The following OR1J2 variants were observed in gnomAD, a reference collection of about 807,000 sequenced individuals.
OR1J2 encodes the protein olfactory receptor 1J2.
For synonymous variants in OR1J2, 142 were observed against 99.7 expected (o/e 1.42, Z -2.52); for missense variants, 304 against 246.1 (o/e 1.24, Z -1.57).
At chr9:122,544,763 C>T in the OR1J2 span, among the ~76,000 whole-genome samples, 1 of 152,128 alleles carries the variant, frequency 6.6e-6, no homozygotes, top group South Asian at 2.1e-4. Context: ...TCTCTTGATC[C>T]ATCTGGCTAG....
chr9:122,468,535 T>G, the OR1J2 span, among the ~76,000 whole-genome samples: 1 of 152,194 alleles, frequency 6.6e-6, no homozygotes, highest in African/African-American at 2.4e-5. Flanking sequence ...ATAAACTCTT[T>G]TTTTTTTCTC....
At chr9:122,450,667 A>G in the OR1J2 span, among the ~76,000 whole-genome samples, 2 of 152,182 alleles carry the variant, frequency 1.3e-5, no homozygotes, top group East Asian at 3.9e-4. Flanking sequence ...TATAGTCATC[A>G]TACTGTGCAA....
At chr9:122,479,230 G>A in the OR1J2 span, among the ~76,000 whole-genome samples, 4 of 152,122 alleles carry the variant, frequency 2.6e-5, no homozygotes, top group East Asian at 7.7e-4. Context: ...ACATTCAGTG[G>A]ATTTCAGCCA....
At chr9:122,549,503 G>A in the OR1J2 span, among the ~76,000 whole-genome samples, 1 of 152,172 alleles carries the variant, frequency 6.6e-6, no homozygotes, top group Middle Eastern at 3.2e-3. Flanking sequence ...AGGTCTTACA[G>A]TTAAGTCTTT....
At chr9:122,568,340 G>C in the OR1J2 span, 2 of 1,614,136 alleles carry the variant, frequency 1.2e-6, no homozygotes, top group African/African-American at 1.3e-5. Flanking sequence ...TGGCCAGGAT[G>C]ATGAGCAGGT....
the OR1J2 span, chr9:122,477,554 C>A: frequency 3.1e-6 from 5 of 1,613,958 alleles, no homozygotes; most frequent in Non-Finnish European, 4.2e-6. Flanking sequence ...TGACAGATGG[C>A]CACATACCTG....
the OR1J2 span, among the ~76,000 whole-genome samples, chr9:122,491,211 T>G: frequency 6.6e-6 from 1 of 152,314 alleles, no homozygotes; most frequent in East Asian, 1.9e-4. Flanking sequence ...GTTGTGCTAT[T>G]CACTGAAGGC....
At chr9:122,537,128 C>G in the OR1J2 span, among the ~76,000 whole-genome samples, 18 of 152,166 alleles carry the variant, frequency 1.2e-4, no homozygotes, top group Non-Finnish European at 2.2e-4. Context: ...CAATTTCTGT[C>G]CCTTTTAAGG....
the OR1J2 span, among the ~76,000 whole-genome samples, chr9:122,516,934 A>C: frequency 6.6e-6 from 1 of 152,170 alleles, no homozygotes; most frequent in Non-Finnish European, 1.5e-5. Context: ...GAACTCTGCC[A>C]GTATCTGCCT....
At chr9:122,462,766 T>G in the OR1J2 span, among the ~76,000 whole-genome samples, 9,960 of 152,272 alleles carry the variant, frequency 0.065, 383 homozygotes, top group South Asian at 0.079. Context: ...TCTTCTAGCT[T>G]GTAGGGTTTC....
At chr9:122,526,786 CA>C in the OR1J2 span, 8 of 1,613,966 alleles carry the variant, frequency 5.0e-6, no homozygotes, top group Non-Finnish European at 6.8e-6. Flanking sequence ...GCAATTTCCC[CA>C]GTCACACAGA....
chr9:122,520,691 T>G, the OR1J2 span, among the ~76,000 whole-genome samples: 28,525 of 152,192 alleles, frequency 0.19, 2,836 homozygotes, highest in East Asian at 0.26. Context: ...GCCGCAGACT[T>G]ACTCCAGGTA....
the OR1J2 span, among the ~76,000 whole-genome samples, chr9:122,555,903 T>C: frequency 2.0e-5 from 3 of 152,216 alleles, no homozygotes; most frequent in Admixed American, 6.5e-5. Flanking sequence ...ATAGTTTACA[T>C]TGGAGTTCAT....
At position 122,510,824 on chromosome 9, in the gene OR1J2, G is replaced by C. The variant is rs200626407; in HGVS notation, c.23G>C (p.Ser8Thr). 8.8e-6 allele frequency: 14 copies of C among 1,594,826 alleles called. No individual in the cohort carries two copies. The African/African-American group carries it at 1.7e-4, about 20-fold the overall frequency. The change falls in exon 1 of 1, where the codon AGC (serine) becomes ACC (threonine). Residue 8 changes from serine to threonine, a missense_variant. Coordinates refer to ENST00000335302, the MANE Select transcript of OR1J2 (RefSeq NM_054107.1). ...AGTATGAGCCCTGAGAACCAGAGCAGCGTGTCCGAGTTCCTCCTTCTGGGC... is the reference window on the plus strand; with the variant it reads ...AGTATGAGCCCTGAGAACCAGAGCACCGTGTCCGAGTTCCTCCTTCTGGGC... Reference protein sequence around the residue: MSPENQSSVSEFLLLGLP... With the variant: MSPENQSTVSEFLLLGLP...
chr9:122,553,706 GC>G, the OR1J2 span: 1 of 1,613,948 alleles, frequency 6.2e-7, no homozygotes, highest in Admixed American at 1.7e-5. Flanking sequence ...ACACACTGTT[GC>G]TGACCCGCGT....
chr9:122,475,187 T>TAG, the OR1J2 span: 1 of 152,256 alleles, frequency 6.6e-6, no homozygotes, highest in African/African-American at 2.4e-5. Context: ...AGATAGGGGC[T>TAG]AGAGGGCGAG....
At chr9:122,487,668 T>G in the OR1J2 span, among the ~76,000 whole-genome samples, 5 of 152,192 alleles carry the variant, frequency 3.3e-5, no homozygotes, top group Non-Finnish European at 7.3e-5. Flanking sequence ...ATTCTTTGTT[T>G]TTCACCAGCC....
chr9:122,553,294 C>T, the OR1J2 span: 3 of 1,614,046 alleles, frequency 1.9e-6, no homozygotes, highest in Non-Finnish European at 2.5e-6. Flanking sequence ...GAGGAGCAGC[C>T]TCTTCTGTTT....
chr9:122,576,009 AT>A, the OR1J2 span, among the ~76,000 whole-genome samples: 9 of 152,106 alleles, frequency 5.9e-5, no homozygotes, highest in African/African-American at 1.9e-4. Flanking sequence ...TGTCTGGTTT[AT>A]TTCAGTTACC....
Sources: allele counts gnomAD v4.1 joint callset (sites outside exome capture counted in the v4.1 genomes callset), GRCh38; gene constraint gnomAD v4.1.1; transcripts MANE v1.5; gene names NCBI Gene and HGNC (gene_info 2026-07-23, HGNC 2026-07-21).